Variants in VGLL3 observed in about 807,000 individuals in gnomAD.
VGLL3 encodes the protein vestigial like family member 3, also known as transcription cofactor vestigial-like protein 3.
VGLL3 carries 18 observed loss-of-function variants against 29.2 expected under a neutral mutation model. The observed-to-expected ratio is 0.62, with a 90% CI of 0.43 to 0.91. The LOEUF is 0.91. Among genes scored for constraint, VGLL3 ranks in the 40% least tolerant of loss-of-function variants. The pLI is 0.00. For synonymous variants in VGLL3, 180 were observed against 151.8 expected (o/e 1.19, Z -1.36); for missense variants, 440 against 413.2 (o/e 1.06, Z -0.56).
chr3:86,964,535 T>C (rs868785759), intron 3 of VGLL3, among the ~76,000 whole-genome samples: 6 of 152,320 alleles, frequency 3.9e-5, no homozygotes, highest in South Asian at 2.1e-4. Flanking sequence ...GATGTTGAAA[T>C]CCTAACCCCC....
chr3:86,938,505 C>G lies in VGLL3; in HGVS notation c.*8519G>C, dbSNP rs1213382026. 1 of 152,590 alleles carries G rather than the reference C, an allele frequency of 6.6e-6. No individual in the cohort carries two copies. The highest frequency in any genetic ancestry group is 6.5e-5 in the Admixed American group (1 of 15,274). The allele number at this position is 152,590 out of a possible 1,614,324, so 9.5% of individuals were successfully genotyped here. ...GTATTTTTTGGCAAGATATTAAATC[C>G]TCTGTTGCTATATTTGGCTCTCTGC... is the stretch of plus-strand genomic sequence containing the variant. On this transcript the variant is annotated 3_prime_UTR_variant, in exon 4 of 4. Transcript: ENST00000398399.
At chr3:86,970,973 A>G (rs990535312) in intron 2 of VGLL3, among the ~76,000 whole-genome samples, 2 of 152,140 alleles carry the variant, frequency 1.3e-5, no homozygotes, top group African/African-American at 2.4e-5. Context: ...GAAGTGCCCT[A>G]TGGATTATTT....
rs1408251569 is a variant in VGLL3 at position 86,938,214 on chromosome 3, CAT to C, written c.*8808_*8809del. The C allele has an allele frequency of 6.6e-6, 1 of 152,124 alleles. No individual in the cohort carries two copies. The highest frequency in any genetic ancestry group is 6.5e-5 in the Admixed American group (1 of 15,280). The allele number at this position is 152,124 out of a possible 1,614,324, so 9.4% of individuals were successfully genotyped here. ...GATATGATGATTTGATATAGGTAAA[CAT>C]TGTGTAATCATTATCACAATCAAAT... is the stretch of plus-strand genomic sequence containing the variant. On this transcript the variant is annotated 3_prime_UTR_variant, in exon 4 of 4. Transcript: ENST00000398399.
In VGLL3 at chr3:86,945,905, G is replaced by A. The variant is rs1704497163; in HGVS notation, c.*1119C>T. ...GTTTGTTTAGCTTACAGGGATAGGTGGCATTATAAGAAAGAGCTCGGGCTT... is the reference window on the plus strand; with the variant it reads ...GTTTGTTTAGCTTACAGGGATAGGTAGCATTATAAGAAAGAGCTCGGGCTT... On this transcript the variant is annotated 3_prime_UTR_variant, in exon 4 of 4. Transcript: ENST00000398399. 6.6e-6 allele frequency: 1 copy of A among 152,040 alleles called. No individual in the cohort carries two copies. The highest frequency in any genetic ancestry group is 1.5e-5 in the Non-Finnish European group (1 of 67,996). 9.4% of individuals were successfully genotyped at this position (152,040 alleles called of 1,614,324 possible). A position where few individuals can be genotyped will look rare whatever the true frequency, so the allele number is the denominator to read the frequency against.
At chr3:86,986,068 C>A (rs1175141835) in intron 1 of VGLL3, among the ~76,000 whole-genome samples, 2 of 152,038 alleles carry the variant, frequency 1.3e-5, no homozygotes, top group Non-Finnish European at 2.9e-5. Flanking sequence ...CATATATACA[C>A]ACACGCACAT....
At chr3:86,965,596 T>C (rs1317034086) in intron 3 of VGLL3, among the ~76,000 whole-genome samples, 1 of 152,172 alleles carries the variant, frequency 6.6e-6, no homozygotes, top group African/African-American at 2.4e-5. Context: ...TCCCTCTCCC[T>C]TTAGGACCGA....
At chr3:86,961,020 TA>T (rs1426975856) in intron 3 of VGLL3, among the ~76,000 whole-genome samples, 1 of 150,892 alleles carries the variant, frequency 6.6e-6, no homozygotes, top group African/African-American at 2.4e-5. Flanking sequence ...TATATTGTAG[TA>T]AAAAGTATAT....
rs1009237718 is a variant in VGLL3, at chr3:86,942,423, G to A, written c.*4601C>T. The A allele has an allele frequency of 6.7e-6, 1 of 150,042 alleles. No individual in the cohort carries two copies. The highest frequency in any genetic ancestry group is 2.5e-5 in the African/African-American group (1 of 40,548). 9.3% of individuals were successfully genotyped at this position (150,042 alleles called of 1,614,324 possible). ...TTTTTTCCTTGAGTAGAGTAAATCT[G>A]CTGACTGAGATCGTAAATGGTTGTG... is the stretch of plus-strand genomic sequence containing the variant. On this transcript the variant is annotated 3_prime_UTR_variant, in exon 4 of 4. Transcript: ENST00000398399.
intron 3 of VGLL3, among the ~76,000 whole-genome samples, chr3:86,950,984 C>A (rs1314257558): frequency 2.0e-5 from 3 of 152,054 alleles, no homozygotes; most frequent in Non-Finnish European, 4.4e-5. Flanking sequence ...AGTCCTTAGA[C>A]CCATTTCCTT....
intron 3 of VGLL3, among the ~76,000 whole-genome samples, chr3:86,966,771 G>GTGTATA (rs1416974850): frequency 1.4e-5 from 1 of 69,536 alleles, no homozygotes; most frequent in African/African-American, 5.3e-5. Flanking sequence ...TAGTGTGTGT[G>GTGTATA]TGTATATATA....
intron 3 of VGLL3, among the ~76,000 whole-genome samples, chr3:86,958,015 T>A (rs1392710038): frequency 6.6e-6 from 1 of 152,186 alleles, no homozygotes; most frequent in Admixed American, 6.5e-5. Context: ...GCACATACGA[T>A]ACAGACAAAT....
At chr3:86,977,479 G>T (rs1015094882) in intron 2 of VGLL3, among the ~76,000 whole-genome samples, 1 of 152,182 alleles carries the variant, frequency 6.6e-6, no homozygotes, top group African/African-American at 2.4e-5. Context: ...CCTTGTTAAA[G>T]TGTGATTCCC....
At chr3:86,948,809 A>G (rs1381072292) in intron 3 of VGLL3, among the ~76,000 whole-genome samples, 1 of 152,084 alleles carries the variant, frequency 6.6e-6, no homozygotes, top group African/African-American at 2.4e-5. Context: ...AAAGAGGACA[A>G]TGAGAGGGAG....
Position 86,947,087 on chromosome 3 carries a change from G to C in VGLL3, c.938-20C>G, listed in dbSNP as rs200849309. 3.7e-5 allele frequency: 29 copies of C among 778,238 alleles called. 1 individual carries two copies. Among genetic ancestry groups the C allele is most frequent in the South Asian group, 3.6e-4 (27 of 74,148 alleles). The allele number at this position is 778,238 out of a possible 1,614,324, so 48.2% of individuals were successfully genotyped here. ...GTAGACCTGGAACAAATGACAATGG[G>C]GAAAAAATAAAGAACATTAATACAT... On this transcript the variant is annotated intron_variant, in intron 3 of 3. Coordinates refer to ENST00000398399, the MANE Select transcript of VGLL3 (RefSeq NM_016206.4).
At chr3:86,949,548 T>G (rs1027549918) in intron 3 of VGLL3, among the ~76,000 whole-genome samples, 1 of 150,960 alleles carries the variant, frequency 6.6e-6, no homozygotes, top group Non-Finnish European at 1.5e-5. Context: ...CAGGGCTGGC[T>G]GGGCGCGGTG....
intron 3 of VGLL3, among the ~76,000 whole-genome samples, chr3:86,958,973 A>C (rs2106986609): frequency 6.6e-6 from 1 of 152,372 alleles, no homozygotes; most frequent in South Asian, 2.1e-4. Flanking sequence ...GTTGATTAGA[A>C]AAATTTTTAT....
intron 2 of VGLL3, among the ~76,000 whole-genome samples, chr3:86,978,182 A>T (rs1294500718): frequency 6.6e-6 from 1 of 152,214 alleles, no homozygotes; most frequent in African/African-American, 2.4e-5. Flanking sequence ...CTAATTTTTT[A>T]AAAGCTGATT....
chr3:86,963,502 T>G (rs1359404300), intron 3 of VGLL3, among the ~76,000 whole-genome samples: 1 of 152,138 alleles, frequency 6.6e-6, no homozygotes, highest in Non-Finnish European at 1.5e-5. Context: ...GTTCTCTAAT[T>G]AGAAGGTTGC....
At chr3:86,983,805 TATTTC>T (rs1705379648) in intron 1 of VGLL3, among the ~76,000 whole-genome samples, 1 of 152,226 alleles carries the variant, frequency 6.6e-6, no homozygotes, top group Non-Finnish European at 1.5e-5. Context: ...ATCTTTTGTA[TATTTC>T]ATTTCACATA....
Sources: gnomAD v4.1 joint callset for allele counts (sites outside exome capture counted in the v4.1 genomes callset) on GRCh38, gnomAD v4.1.1 for gene constraint, MANE v1.5 for transcripts, NCBI Gene and HGNC (gene_info 2026-07-23, HGNC 2026-07-21) for gene names.